The following CTDSPL variants were observed in gnomAD, a reference collection of about 807,000 sequenced individuals.
The protein encoded by CTDSPL is CTD small phosphatase-like protein.
In CTDSPL, 8 loss-of-function variants were observed where a neutral mutation model predicts 30.5. That is an observed-to-expected ratio of 0.26 (90% CI 0.15 to 0.47). CTDSPL has a LOEUF of 0.47. Ranked by LOEUF, CTDSPL falls within the 20% of genes least tolerant of loss-of-function variation. The probability of loss-of-function intolerance (pLI) is 0.99; values close to 1 mark genes in which losing one functional copy is unlikely to be tolerated. For missense variants in CTDSPL, 248 were observed against 366.1 expected (o/e 0.68, Z 2.63); for synonymous variants, 110 against 137.9 (o/e 0.80, Z 1.42).
chr3:37,863,113 C>T (rs1450454243), intron 1 of CTDSPL, among the ~76,000 whole-genome samples: 2 of 152,168 alleles, frequency 1.3e-5, no homozygotes, highest in Admixed American at 6.5e-5. Flanking sequence ...GAGCCATCCC[C>T]GCTTTCTCCC....
chr3:37,933,603 C>T (rs1002077814), intron 1 of CTDSPL, among the ~76,000 whole-genome samples: 2 of 152,134 alleles, frequency 1.3e-5, no homozygotes, highest in Admixed American at 1.3e-4. Context: ...GAACAAACTC[C>T]ACTCTTTACT....
At chr3:37,865,370 G>T (rs1697997610) in intron 1 of CTDSPL, among the ~76,000 whole-genome samples, 1 of 152,178 alleles carries the variant, frequency 6.6e-6, no homozygotes, top group African/African-American at 2.4e-5. Flanking sequence ...ATGAAATTGT[G>T]CTCTACTTCA....
chr3:37,890,376 G>C (rs1175239207), intron 1 of CTDSPL, among the ~76,000 whole-genome samples: 1 of 152,066 alleles, frequency 6.6e-6, no homozygotes, highest in Non-Finnish European at 1.5e-5. Flanking sequence ...GGGAAAATGT[G>C]GTGGTGCAAA....
intron 1 of CTDSPL, among the ~76,000 whole-genome samples, chr3:37,925,298 C>G (rs1698768701): frequency 6.6e-6 from 1 of 152,192 alleles, no homozygotes; most frequent in African/African-American, 2.4e-5. Flanking sequence ...GTAGCCCTCC[C>G]TTTTGGCATC....
At chr3:37,929,553 G>A (rs1256156284) in intron 1 of CTDSPL, among the ~76,000 whole-genome samples, 1 of 152,148 alleles carries the variant, frequency 6.6e-6, no homozygotes, top group Non-Finnish European at 1.5e-5. Context: ...TATTGTAAAT[G>A]AGATTGTTTT....
In CTDSPL at chr3:37,983,731, T is replaced by G. The variant is rs1699520212; in HGVS notation, c.*2864T>G. On this transcript the variant is annotated 3_prime_UTR_variant, in exon 8 of 8. Coordinates refer to ENST00000273179, the MANE Select transcript of CTDSPL (RefSeq NM_001008392.2). ...AGTGCACAGGCACTCCCAATGTTGT[T>G]AATGCTCTGTCTTCCATTTGTTCTG... is the stretch of plus-strand genomic sequence containing the variant. 1 of 157,942 alleles carries G rather than the reference T, an allele frequency of 6.3e-6. No homozygotes were observed. Among genetic ancestry groups the G allele is most frequent in the Non-Finnish European group, 1.4e-5 (1 of 70,904 alleles). The allele number at this position is 157,942 out of a possible 1,614,324, so 9.8% of individuals were successfully genotyped here. A position where few individuals can be genotyped will look rare whatever the true frequency, so the allele number is the denominator to read the frequency against.
rs529211663 is a variant in CTDSPL, at chr3:37,862,867, A to G, written c.79+589A>G. 9.2e-5 allele frequency among the ~76,000 whole-genome samples: 14 copies of G among 152,030 alleles called. No individual in the cohort carries two copies. Among genetic ancestry groups the G allele is most frequent in the Non-Finnish European group, 1.9e-4 (13 of 68,020 alleles). ...CTGACAGAGTTTGTGAGTGTGTATG[A>G]TTGTGTGACTACACCACCCAACTGG... On this transcript the variant is annotated intron_variant, in intron 1 of 7. Transcript: ENST00000273179. The surrounding 1 kb of genome is among the most constrained non-coding windows in gnomAD (Gnocchi z 4.3).
chr3:37,946,326 G>A (rs2125622048), intron 1 of CTDSPL, among the ~76,000 whole-genome samples: 1 of 152,358 alleles, frequency 6.6e-6, no homozygotes, highest in South Asian at 2.1e-4. Context: ...GCAGGCCAGG[G>A]CACAGTATTG....
rs139556128 is a variant in CTDSPL at position 37,915,867 on chromosome 3, T to C, written c.80-31190T>C. 2.5e-3 allele frequency among the ~76,000 whole-genome samples: 376 copies of C among 152,346 alleles called. 1 individual carries two copies. Among genetic ancestry groups the C allele is most frequent in the African/African-American group, 8.1e-3 (337 of 41,574 alleles). On this transcript the variant is annotated intron_variant, in intron 1 of 7. Transcript: ENST00000273179. Reference sequence around the variant, plus strand: ...GTGTCAGACATAATAGGTGAAAACTTCTAGAAATAATCTGAGGCCTTTGAT... The same window carrying C: ...GTGTCAGACATAATAGGTGAAAACTCCTAGAAATAATCTGAGGCCTTTGAT...
chr3:37,899,514 C>T (rs1170088668), intron 1 of CTDSPL, among the ~76,000 whole-genome samples: 1 of 152,174 alleles, frequency 6.6e-6, no homozygotes, highest in Admixed American at 6.5e-5. Context: ...AAACAGGAGC[C>T]AATCAGGCTG....
At chr3:37,929,470 C>T (rs902086866) in intron 1 of CTDSPL, among the ~76,000 whole-genome samples, 3 of 152,132 alleles carry the variant, frequency 2.0e-5, no homozygotes, top group Admixed American at 6.5e-5. Flanking sequence ...AGCAATGTTT[C>T]GTAGTTTTCA....
At chr3:37,957,344 C>G (rs1310661308) in intron 3 of CTDSPL, among the ~76,000 whole-genome samples, 2 of 152,098 alleles carry the variant, frequency 1.3e-5, no homozygotes, top group Non-Finnish European at 2.9e-5. Context: ...AGACAGTTTC[C>G]TTTCTCAGGA....
At chr3:37,869,348 A>G (rs1223605375) in intron 1 of CTDSPL, among the ~76,000 whole-genome samples, 2 of 152,078 alleles carry the variant, frequency 1.3e-5, no homozygotes, top group South Asian at 2.1e-4. Context: ...TTATCCTACA[A>G]TGCTGTAGAG....
chr3:37,885,683 T>A (rs1435151818), intron 1 of CTDSPL, among the ~76,000 whole-genome samples: 61 of 152,174 alleles, frequency 4.0e-4, no homozygotes, highest in Non-Finnish European at 2.9e-5. Context: ...CGAAGAAGAA[T>A]GCTCTGCAGA....
intron 3 of CTDSPL, among the ~76,000 whole-genome samples, chr3:37,962,841 A>T (rs574809982): frequency 2.7e-4 from 41 of 152,360 alleles, no homozygotes; most frequent in African/African-American, 9.9e-4. Context: ...TTTATATTAA[A>T]TAGTTGTGTA....
At position 37,936,991 on chromosome 3, in the gene CTDSPL, A is replaced by G. The variant is rs370172305; in HGVS notation, c.80-10066A>G. On this transcript the variant is annotated intron_variant, in intron 1 of 7. Coordinates refer to ENST00000273179, the MANE Select transcript of CTDSPL (RefSeq NM_001008392.2). ...TGGTGCTTTGAATCATTAGCAGTAC[A>G]TTTGGTGTGTTGTCAGAGAAAACCA... Among the ~76,000 whole-genome samples the G allele has an allele frequency of 1.4e-3, 210 of 151,174 alleles. 2 individuals carry two copies. The highest frequency in any genetic ancestry group is 4.8e-3 in the African/African-American group (201 of 41,516).
intron 1 of CTDSPL, among the ~76,000 whole-genome samples, chr3:37,885,305 A>G (rs113328508): frequency 0.012 from 1,776 of 152,270 alleles, 32 homozygotes; most frequent in African/African-American, 0.039. Flanking sequence ...TTTAATAGGT[A>G]GCCATGGAAG....
chr3:37,982,692 A>C lies in CTDSPL; in HGVS notation c.*1825A>C. On this transcript the variant is annotated 3_prime_UTR_variant, in exon 8 of 8. Transcript: ENST00000273179. ...GTCTCCCAGCATTCTGAGTGTTCCA[A>C]ACCAGTAATCCACATGCCAATTCAA... is the stretch of plus-strand genomic sequence containing the variant. 1 of 456,258 alleles carries C rather than the reference A, an allele frequency of 2.2e-6. No homozygotes were observed. Among genetic ancestry groups the C allele is most frequent in the Non-Finnish European group, 4.4e-6 (1 of 226,594 alleles). The allele number at this position is 456,258 out of a possible 1,614,324, so 28.3% of individuals were successfully genotyped here. A position where few individuals can be genotyped will look rare whatever the true frequency, so the allele number is the denominator to read the frequency against.
intron 1 of CTDSPL, among the ~76,000 whole-genome samples, chr3:37,928,309 T>C (rs1384955178): frequency 1.3e-5 from 2 of 152,230 alleles, no homozygotes; most frequent in Non-Finnish European, 2.9e-5. Context: ...CTCCATACTG[T>C]TTTCCACAGC....
Sources: gnomAD v4.1 joint callset for allele counts (sites outside exome capture counted in the v4.1 genomes callset) on GRCh38, gnomAD v4.1.1 for gene constraint, Gnocchi (gnomAD v3.1) non-coding constraint, MANE v1.5 for transcripts, NCBI Gene and HGNC (gene_info 2026-07-23, HGNC 2026-07-21) for gene names.